Variants in ROBO1 observed in about 807,000 individuals in gnomAD.
ROBO1 encodes the protein roundabout guidance receptor 1.
ROBO1 carries 149 observed loss-of-function variants against 195.9 expected under a neutral mutation model. The observed-to-expected ratio is 0.76, with a 90% CI of 0.67 to 0.87. The LOEUF is 0.87. ROBO1 is among the 40% of genes least tolerant of loss of function. ROBO1 has a pLI of 0.00. For missense variants in ROBO1, 1,933 were observed against 2,068.3 expected (o/e 0.93, Z 1.27); for synonymous variants, 816 against 733.2 (o/e 1.11, Z -1.82).
At chr3:78,626,926 A>C (rs1262525175) in intron 26 of ROBO1, among the ~76,000 whole-genome samples, 5 of 152,174 alleles carry the variant, frequency 3.3e-5, no homozygotes, top group Admixed American at 3.3e-4. Flanking sequence ...ACTTAATTTT[A>C]AAAGACAGGA....
intron 4 of ROBO1, among the ~76,000 whole-genome samples, chr3:78,839,457 AT>A (rs1176164688): frequency 2.6e-5 from 4 of 151,668 alleles, no homozygotes; most frequent in African/African-American, 4.8e-5. Context: ...TTACTATGAA[AT>A]TTTTTTCATT....
At chr3:79,222,282 T>C (rs1205910992) in intron 2 of ROBO1, among the ~76,000 whole-genome samples, 1 of 152,142 alleles carries the variant, frequency 6.6e-6, no homozygotes, top group Non-Finnish European at 1.5e-5. Context: ...TCATCAGATA[T>C]GTGAACTTGG....
chr3:79,086,346 C>T (rs1490358675), intron 3 of ROBO1, among the ~76,000 whole-genome samples: 2 of 151,930 alleles, frequency 1.3e-5, no homozygotes, highest in Non-Finnish European at 2.9e-5. Context: ...TTTAAAAGCT[C>T]TTGTCTTTTT....
chr3:78,777,474 T>C (rs1380254885), intron 4 of ROBO1, among the ~76,000 whole-genome samples: 5 of 152,192 alleles, frequency 3.3e-5, no homozygotes, highest in Non-Finnish European at 7.3e-5. Context: ...ATTTTTCTTA[T>C]CACTATTGCT....
chr3:79,579,337 AT>A (rs1272533709), intron 2 of ROBO1, among the ~76,000 whole-genome samples: 3 of 152,130 alleles, frequency 2.0e-5, no homozygotes, highest in Middle Eastern at 3.4e-3. Flanking sequence ...GGAAATATTT[AT>A]TGTTCAAGGG....
chr3:79,032,714 T>C (rs1197463872), intron 3 of ROBO1, among the ~76,000 whole-genome samples: 1 of 152,066 alleles, frequency 6.6e-6, no homozygotes, highest in Non-Finnish European at 1.5e-5. Context: ...GAGTTCACTA[T>C]AGTCATAATA....
chr3:79,533,145 A>G (rs1045592442), intron 2 of ROBO1: 8 of 423,604 alleles, frequency 1.9e-5, no homozygotes, highest in African/African-American at 1.7e-4. Context: ...CTTTTATAAT[A>G]TGGAGGCTGC....
At chr3:79,377,584 A>T (rs1160164311) in intron 2 of ROBO1, among the ~76,000 whole-genome samples, 1 of 152,128 alleles carries the variant, frequency 6.6e-6, no homozygotes, top group Non-Finnish European at 1.5e-5. Flanking sequence ...AATTTATTCG[A>T]TGTAGTTTTT....
intron 1 of ROBO1, among the ~76,000 whole-genome samples, chr3:79,711,957 G>C (rs565079047): frequency 6.6e-6 from 1 of 151,916 alleles, no homozygotes; most frequent in East Asian, 1.9e-4. Context: ...AACTTTGCCC[G>C]TATAGGACAG....
chr3:78,969,949 A>C (rs1187919489), intron 3 of ROBO1, among the ~76,000 whole-genome samples: 1 of 152,142 alleles, frequency 6.6e-6, no homozygotes, highest in Admixed American at 6.6e-5. Flanking sequence ...AGATAGATAA[A>C]AATTATTCTC....
intron 2 of ROBO1, among the ~76,000 whole-genome samples, chr3:79,159,599 G>T (rs1217390463): frequency 6.6e-6 from 1 of 151,992 alleles, no homozygotes; most frequent in Non-Finnish European, 1.5e-5. Flanking sequence ...GAGTACAGTT[G>T]TATAATTGAT....
chr3:78,945,950 G>C (rs113068398), intron 3 of ROBO1, among the ~76,000 whole-genome samples: 1 of 151,122 alleles, frequency 6.6e-6, no homozygotes, highest in Non-Finnish European at 1.5e-5. Flanking sequence ...GAAATGAAGC[G>C]AGAAGAGAAG....
At chr3:78,846,513 T>G (rs2033682875) in intron 4 of ROBO1, among the ~76,000 whole-genome samples, 1 of 152,138 alleles carries the variant, frequency 6.6e-6, no homozygotes, top group Non-Finnish European at 1.5e-5. Flanking sequence ...ATGGCATCTT[T>G]TCACATTTTA....
chr3:79,068,983 T>C (rs1398579246), intron 3 of ROBO1, among the ~76,000 whole-genome samples: 1 of 151,892 alleles, frequency 6.6e-6, no homozygotes, highest in Non-Finnish European at 1.5e-5. Flanking sequence ...TTCTTTTAGA[T>C]TCTTTTGTTT....
intron 2 of ROBO1, among the ~76,000 whole-genome samples, chr3:79,502,265 G>C (rs1427595574): frequency 3.9e-5 from 6 of 152,172 alleles, no homozygotes; most frequent in Non-Finnish European, 8.8e-5. Context: ...AGGGAGATGC[G>C]CGGGCGGGAA....
At chr3:79,125,358 G>T in intron 3 of ROBO1, 98 bp downstream of exon 3, 1 of 941,466 alleles carries the variant, frequency 1.1e-6, no homozygotes, top group Non-Finnish European at 1.7e-6. Flanking sequence ...TTAGCTGGAA[G>T]CAGGGATGAT....
rs1236790806 is a variant in ROBO1 at position 79,213,983 on chromosome 3, G to T, written c.89-88444C>A. On this transcript the variant is annotated intron_variant, in intron 2 of 30. Transcript: ENST00000464233. ...TGGGATTACGGGTGCGCACCACCAC[G>T]CCCTGCTAAGTTTTATATTTTTAGT... Among the ~76,000 whole-genome samples, 7 of 151,684 alleles carry T rather than the reference G, an allele frequency of 4.6e-5. No homozygotes were observed. In the East Asian group the frequency reaches 1.4e-3, roughly 30 times the overall value.
At chr3:79,638,245 A>G (rs1419510697) in intron 1 of ROBO1, among the ~76,000 whole-genome samples, 1 of 152,126 alleles carries the variant, frequency 6.6e-6, no homozygotes, top group African/African-American at 2.4e-5. Context: ...ATCATATCAG[A>G]TACTTCTCAT....
At chr3:79,594,619 C>G (rs897501038) in intron 1 of ROBO1, among the ~76,000 whole-genome samples, 1 of 151,966 alleles carries the variant, frequency 6.6e-6, no homozygotes, top group Non-Finnish European at 1.5e-5. Flanking sequence ...TAGCTCACCA[C>G]TCAGATAATT....
Sources: gnomAD v4.1 joint callset for allele counts (sites outside exome capture counted in the v4.1 genomes callset) on GRCh38, gnomAD v4.1.1 for gene constraint, MANE v1.5 for transcripts, NCBI Gene and HGNC (gene_info 2026-07-23, HGNC 2026-07-21) for gene names.